The following EVC2 variants were observed in gnomAD, a reference collection of about 807,000 sequenced individuals.
EVC2 encodes the protein limbin.
In EVC2, 148 loss-of-function variants were observed where a neutral mutation model predicts 149.3. The observed-to-expected ratio is 0.99, with a 90% CI of 0.87 to 1.14. EVC2 has a LOEUF of 1.14. Among genes scored for constraint, EVC2 ranks in the 50% most tolerant of loss-of-function variants. EVC2 has a pLI of 0.00. For missense variants in EVC2, 1,854 were observed against 1,627.3 expected (o/e 1.14, Z -2.40); for synonymous variants, 776 against 649.9 (o/e 1.19, Z -2.95).
chr4:5,571,072 T>C (rs1722615308), intron 19 of EVC2, among the ~76,000 whole-genome samples: 1 of 151,792 alleles, frequency 6.6e-6, no homozygotes, highest in Non-Finnish European at 1.5e-5. Flanking sequence ...TCCCAGCACT[T>C]TGGGAGGCTG....
At chr4:5,530,276 T>C in the EVC2 span, among the ~76,000 whole-genome samples, 1 of 152,214 alleles carries the variant, frequency 6.6e-6, no homozygotes, top group East Asian at 1.9e-4. Context: ...CATTCTTCAA[T>C]GCTTCCTTTA....
In EVC2 at chr4:5,686,532, C is replaced by A. The variant is rs1003427469; in HGVS notation, c.707-1053G>T. 6.6e-6 allele frequency among the ~76,000 whole-genome samples: 1 copy of A among 152,096 alleles called. No individual in the cohort carries two copies. Among genetic ancestry groups the A allele is most frequent in the Non-Finnish European group, 1.5e-5 (1 of 68,032 alleles). On this transcript the variant is annotated intron_variant, in intron 5 of 21. Coordinates refer to ENST00000344408, the MANE Select transcript of EVC2 (RefSeq NM_147127.5). The surrounding 1 kb of genome is among the most constrained non-coding windows in gnomAD (Gnocchi z 5.4). ...CCCAGCTGATCTCCACACACTGCCC[C>A]GAGATGGATGGAGAACACGTGATTT...
chr4:5,704,609 C>T (rs1226859264), intron 1 of EVC2, among the ~76,000 whole-genome samples: 1 of 152,140 alleles, frequency 6.6e-6, no homozygotes, highest in African/African-American at 2.4e-5. Context: ...GAACCCAGCA[C>T]TGAGTCCTGG....
downstream of EVC2, among the ~76,000 whole-genome samples, chr4:5,542,363 G>A (rs1406901638): frequency 6.6e-6 from 1 of 152,224 alleles, no homozygotes; most frequent in Non-Finnish European, 1.5e-5. Flanking sequence ...GCAGAGGTGG[G>A]AGGACCACTT....
chr4:5,690,345 C>G (rs1162760784), intron 4 of EVC2, among the ~76,000 whole-genome samples: 1 of 152,064 alleles, frequency 6.6e-6, no homozygotes, highest in Non-Finnish European at 1.5e-5. Flanking sequence ...TTGAGCAGCT[C>G]CTGAAAGATA....
At chr4:5,602,981 G>C (rs1480249633) in intron 16 of EVC2, among the ~76,000 whole-genome samples, 1 of 152,194 alleles carries the variant, frequency 6.6e-6, no homozygotes. Flanking sequence ...GCTGGGGGAA[G>C]CTGCTCTTCT....
downstream of EVC2, among the ~76,000 whole-genome samples, chr4:5,540,441 G>A (rs1267711810): frequency 6.6e-6 from 1 of 152,196 alleles, no homozygotes; most frequent in African/African-American, 2.4e-5. Flanking sequence ...TCCATCAACA[G>A]GTGAATGTGT....
At chr4:5,565,758 C>A (rs781423823) in intron 20 of EVC2, among the ~76,000 whole-genome samples, 1 of 152,010 alleles carries the variant, frequency 6.6e-6, no homozygotes. Context: ...CCACTAGGAA[C>A]CCCCATCCCC....
At chr4:5,684,602 G>GCAGC (rs33947994) in intron 6 of EVC2, among the ~76,000 whole-genome samples, 1 of 151,914 alleles carries the variant, frequency 6.6e-6, no homozygotes, top group Non-Finnish European at 1.5e-5. Flanking sequence ...GCCAGGACAG[G>GCAGC]CAGCCAGCCA....
At chr4:5,545,498 C>T (rs1407803690) in intron 21 of EVC2, among the ~76,000 whole-genome samples, 1 of 152,162 alleles carries the variant, frequency 6.6e-6, no homozygotes, top group Non-Finnish European at 1.5e-5. Flanking sequence ...ATTCATTACT[C>T]AAAACACAGA....
In EVC2 at chr4:5,677,865, T is replaced by C. The variant is rs6446388; in HGVS notation, c.870+3395A>G. On this transcript the variant is annotated intron_variant, in intron 7 of 21. Transcript: ENST00000344408. This position sits in a 1 kb window ranked among gnomAD's most constrained non-coding sequence, Gnocchi z 4.3. ...CTGGTTACCAGTGCACCCGACAGCCTCACTAAACTGAACACTCACCTAACG... is the reference window on the plus strand; with the variant it reads ...CTGGTTACCAGTGCACCCGACAGCCCCACTAAACTGAACACTCACCTAACG... 0.79 allele frequency among the ~76,000 whole-genome samples: 120,559 copies of C among 152,126 alleles called. 48,087 individuals carry two copies. The highest frequency in any genetic ancestry group is 0.85 in the African/African-American group (35,258 of 41,510).
At chr4:5,536,367 T>G in the EVC2 span, among the ~76,000 whole-genome samples, 1 of 152,104 alleles carries the variant, frequency 6.6e-6, no homozygotes, top group African/African-American at 2.4e-5. Flanking sequence ...ATTTAATAAT[T>G]TAGAAGCAAT....
chr4:5,555,952 G>A (rs974272644), intron 21 of EVC2, among the ~76,000 whole-genome samples: 1 of 152,086 alleles, frequency 6.6e-6, no homozygotes, highest in Non-Finnish European at 1.5e-5. Context: ...GGCTGAGGCA[G>A]GCGGATCACG....
rs114706690 is a variant in EVC2 at position 5,627,402 on chromosome 4, T to A, written c.1886+1157A>T. Among the ~76,000 whole-genome samples, 355 of 152,272 alleles carry A rather than the reference T, an allele frequency of 2.3e-3. 3 individuals carry two copies. The highest frequency in any genetic ancestry group is 7.1e-3 in the African/African-American group (296 of 41,564). ...CTTGAGTGCAAATTAAAATCAGGAATGCGAAGTAAATTGCAGTGATAAATT... is the reference window on the plus strand; with the variant it reads ...CTTGAGTGCAAATTAAAATCAGGAAAGCGAAGTAAATTGCAGTGATAAATT... On this transcript the variant is annotated intron_variant, in intron 12 of 21. Transcript: ENST00000344408.
intron 9 of EVC2, among the ~76,000 whole-genome samples, chr4:5,662,639 AAT>A (rs1718974455): frequency 6.9e-6 from 1 of 145,042 alleles, no homozygotes; most frequent in African/African-American, 2.5e-5. Context: ...ATTAAAATAT[AAT>A]ATATTAATTA....
intron 6 of EVC2, among the ~76,000 whole-genome samples, chr4:5,683,680 G>A (rs111481009): frequency 6.6e-6 from 1 of 152,006 alleles, no homozygotes; most frequent in Non-Finnish European, 1.5e-5. Context: ...TCAGGGTGGG[G>A]CAGGGGAAGC....
At chr4:5,564,096 G>A (rs529369885) in intron 21 of EVC2, among the ~76,000 whole-genome samples, 7 of 152,116 alleles carry the variant, frequency 4.6e-5, no homozygotes, top group African/African-American at 1.7e-4. Context: ...GCATGTCAAC[G>A]GCAGGCTTGC....
chr4:5,687,466 G>A (rs1043597608), intron 5 of EVC2, among the ~76,000 whole-genome samples: 7 of 152,062 alleles, frequency 4.6e-5, no homozygotes, highest in Non-Finnish European at 7.4e-5. Flanking sequence ...ACGTGCTAGA[G>A]CAGAAGTCCA....
chr4:5,681,235 G>A lies in EVC2; in HGVS notation c.870+25C>T, dbSNP rs182161854. 2.1e-5 allele frequency: 34 copies of A among 1,613,076 alleles called. No individual in the cohort carries two copies. The East Asian group carries it at 7.1e-4, about 34-fold the overall frequency. ...CACAGCACAGGTGTGTCCTGAGGGT[G>A]CTCAGGGCATGTCATGTCTCTTACC... On this transcript the variant is annotated intron_variant, in intron 7 of 21. Coordinates refer to ENST00000344408, the MANE Select transcript of EVC2 (RefSeq NM_147127.5).
Sources: allele counts gnomAD v4.1 joint callset (sites outside exome capture counted in the v4.1 genomes callset), GRCh38; gene constraint gnomAD v4.1.1; non-coding constraint Gnocchi (gnomAD v3.1); transcripts MANE v1.5; gene names NCBI Gene and HGNC (gene_info 2026-07-23, HGNC 2026-07-21).